SYNDIG1: variants seen among roughly 807,000 people sequenced by gnomAD.
The protein encoded by SYNDIG1 is synapse differentiation-inducing gene protein 1.
In SYNDIG1, 9 loss-of-function variants were observed where a neutral mutation model predicts 19.4. The observed-to-expected ratio is 0.46, with a 90% CI of 0.28 to 0.81. The LOEUF (loss-of-function observed/expected upper bound fraction) is 0.81. Among genes scored for constraint, SYNDIG1 ranks in the 30% least tolerant of loss-of-function variants. The pLI is 0.12. For synonymous variants in SYNDIG1, 141 were observed against 145.9 expected, an observed-to-expected ratio of 0.97 and a Z score of 0.24; for missense variants, 311 against 343.3, an observed-to-expected ratio of 0.91 and a Z score of 0.74.
intron 3 of SYNDIG1, among the ~76,000 whole-genome samples, chr20:24,643,656 C>A (rs996426672): frequency 6.6e-6 from 1 of 152,224 alleles, no homozygotes; most frequent in African/African-American, 2.4e-5. Context: ...CCATCATAAT[C>A]TGCATTCCCT....
chr20:24,509,805 G>A (rs1041427261), intron 1 of SYNDIG1, among the ~76,000 whole-genome samples: 2 of 152,172 alleles, frequency 1.3e-5, no homozygotes, highest in Admixed American at 6.5e-5. Flanking sequence ...AACATAGTTT[G>A]GATGTATGTC....
intron 3 of SYNDIG1, among the ~76,000 whole-genome samples, chr20:24,599,027 G>T (rs2058638480): frequency 6.6e-6 from 1 of 152,112 alleles, no homozygotes; most frequent in South Asian, 2.1e-4. Flanking sequence ...CACAGCAAAA[G>T]AAATATTCAA....
intron 1 of SYNDIG1, among the ~76,000 whole-genome samples, chr20:24,496,130 C>T (rs2056299115): frequency 6.6e-6 from 1 of 152,194 alleles, no homozygotes; most frequent in African/African-American, 2.4e-5. Context: ...CAAGCGTGAG[C>T]CACCAAGCCT....
At chr20:24,479,361 A>G (rs2055730660) in intron 1 of SYNDIG1, among the ~76,000 whole-genome samples, 1 of 152,032 alleles carries the variant, frequency 6.6e-6, no homozygotes. Context: ...GGCAGGACTC[A>G]CCTCTACCAA....
At chr20:24,470,588 G>C (rs746684009) in intron 1 of SYNDIG1, among the ~76,000 whole-genome samples, 2 of 152,204 alleles carry the variant, frequency 1.3e-5, no homozygotes, top group Non-Finnish European at 2.9e-5. Flanking sequence ...TGGGCAGTGA[G>C]GAGGAAGGAA....
intron 3 of SYNDIG1, among the ~76,000 whole-genome samples, chr20:24,651,070 T>C (rs1290421741): frequency 6.6e-6 from 1 of 152,202 alleles, no homozygotes; most frequent in East Asian, 1.9e-4. Context: ...ACTCCTGAGC[T>C]CAGGCAATCC....
chr20:24,543,232 G>T lies in SYNDIG1; in HGVS notation c.135G>T (p.Ala45=), dbSNP rs536227516. 5.6e-6 allele frequency: 9 copies of T among 1,613,820 alleles called. No homozygotes were observed. The highest frequency in any genetic ancestry group is 1.7e-4 in the Middle Eastern group (1 of 6,060). ...SRDGLVSVYP[A]PQYQSHRVGA... ...ATGGTCTGGTGTCTGTTTACCCAGC[G>T]CCCCAGTACCAGAGCCACCGGGTGG... Residue 45 remains alanine, a synonymous_variant, in exon 2 of 4, where the codon GCG becomes GCT. Transcript: ENST00000376862.
At chr20:24,650,427 T>C (rs970205715) in intron 3 of SYNDIG1, among the ~76,000 whole-genome samples, 1 of 152,258 alleles carries the variant, frequency 6.6e-6, no homozygotes, top group Non-Finnish European at 1.5e-5. Flanking sequence ...ACATGGCACG[T>C]ATCTGCCTGT....
intron 2 of SYNDIG1, among the ~76,000 whole-genome samples, chr20:24,550,055 CAAAA>C (rs2057675168): frequency 6.6e-6 from 1 of 152,120 alleles, no homozygotes; most frequent in African/African-American, 2.4e-5. Flanking sequence ...GCATGCGGGC[CAAAA>C]TACAACTTTT....
At chr20:24,568,630 C>G (rs181425837) in intron 2 of SYNDIG1, among the ~76,000 whole-genome samples, 3 of 152,208 alleles carry the variant, frequency 2.0e-5, no homozygotes, top group Admixed American at 6.5e-5. Flanking sequence ...GCACATTGTC[C>G]TGATCACCTC....
chr20:24,491,086 C>A (rs938760571), intron 1 of SYNDIG1, among the ~76,000 whole-genome samples: 1 of 152,096 alleles, frequency 6.6e-6, no homozygotes, highest in African/African-American at 2.4e-5. Flanking sequence ...GGCGCCATGG[C>A]GTGCAATAAC....
chr20:24,495,780 T>C (rs745979), intron 1 of SYNDIG1: 5,702 of 152,364 alleles, frequency 0.037, 188 homozygotes, highest in African/African-American at 0.071. Context: ...CCTGGCCAAA[T>C]GCTGGGCAAA....
chr20:24,594,552 G>A (rs1483393265), intron 3 of SYNDIG1, among the ~76,000 whole-genome samples: 4 of 151,928 alleles, frequency 2.6e-5, no homozygotes, highest in East Asian at 1.9e-4. Flanking sequence ...TTTGTTTTCC[G>A]ATTCTGTGAA....
chr20:24,614,146 C>T (rs1375292254), intron 3 of SYNDIG1, among the ~76,000 whole-genome samples: 1 of 152,144 alleles, frequency 6.6e-6, no homozygotes, highest in African/African-American at 2.4e-5. Context: ...AGGCACACAC[C>T]ACCATGCCCA....
At chr20:24,585,222 G>A (rs1460857006) in intron 3 of SYNDIG1, among the ~76,000 whole-genome samples, 2 of 152,228 alleles carry the variant, frequency 1.3e-5, no homozygotes, top group African/African-American at 4.8e-5. Flanking sequence ...CCTCGCAGAG[G>A]TGGGACTGCG....
At chr20:24,628,576 A>G in intron 3 of SYNDIG1, among the ~76,000 whole-genome samples, 1 of 152,220 alleles carries the variant, frequency 6.6e-6, no homozygotes, top group Non-Finnish European at 1.5e-5. Context: ...TCAATGCATA[A>G]TGATATACAT....
At chr20:24,569,003 C>G (rs867983599) in intron 2 of SYNDIG1, among the ~76,000 whole-genome samples, 2 of 152,204 alleles carry the variant, frequency 1.3e-5, no homozygotes, top group African/African-American at 2.4e-5. Flanking sequence ...TAGCTCATCA[C>G]GCCAACCTGG....
intron 3 of SYNDIG1, among the ~76,000 whole-genome samples, chr20:24,594,271 A>G (rs2058560051): frequency 6.6e-6 from 1 of 152,286 alleles, no homozygotes; most frequent in African/African-American, 2.4e-5. Context: ...CAGTTATCCT[A>G]TCACCATTTA....
At chr20:24,584,815 A>C (rs376452786) in intron 2 of SYNDIG1, 41 bp from the exon 3 acceptor site, 2 of 1,613,312 alleles carry the variant, frequency 1.2e-6, no homozygotes, top group Admixed American at 1.7e-5. Flanking sequence ...CTCCTTTATT[A>C]ATCTTCTCTC....
Sources: allele counts gnomAD v4.1 joint callset (sites outside exome capture counted in the v4.1 genomes callset), GRCh38; gene constraint gnomAD v4.1.1; transcripts MANE v1.5; gene names NCBI Gene and HGNC (gene_info 2026-07-23, HGNC 2026-07-21).